COL28A1: variants seen among roughly 807,000 people sequenced by gnomAD.
COL28A1 encodes collagen type XXVIII alpha 1 chain.
A neutral mutation model predicts 150.2 loss-of-function variants in COL28A1; 161 were observed. The observed-to-expected ratio is 1.07, with a 90% confidence interval of 0.94 to 1.22. COL28A1 has a LOEUF of 1.22. COL28A1 is among the 50% of genes most tolerant of loss of function. The pLI is 0.00. For missense variants in COL28A1, 1,617 were observed against 1,388.3 expected (o/e 1.16, Z -2.62); for synonymous variants, 552 against 469.7 (o/e 1.18, Z -2.26).
At chr7:7,398,753 G>A (rs918246300) in intron 27 of COL28A1, among the ~76,000 whole-genome samples, 1 of 152,078 alleles carries the variant, frequency 6.6e-6, no homozygotes, top group Admixed American at 6.6e-5. Flanking sequence ...AGAGAGACAG[G>A]GTTGCCTTTA....
At chr7:7,375,818 T>G (rs1214359205) in intron 30 of COL28A1, among the ~76,000 whole-genome samples, 2 of 152,204 alleles carry the variant, frequency 1.3e-5, no homozygotes, top group Non-Finnish European at 2.9e-5. Flanking sequence ...ATCAATGTTA[T>G]GCACACATTA....
chr7:7,341,792 ATTG>A, the COL28A1 span, among the ~76,000 whole-genome samples: 3 of 152,066 alleles, frequency 2.0e-5, no homozygotes, highest in African/African-American at 7.2e-5. Context: ...GTTTAACTAC[ATTG>A]TTGTCAGAGA....
chr7:7,532,466 C>G (rs978507330), intron 2 of COL28A1, among the ~76,000 whole-genome samples: 11 of 151,882 alleles, frequency 7.2e-5, no homozygotes, highest in African/African-American at 2.7e-4. Context: ...CCTGTTAAGA[C>G]CTCAATTTTT....
intron 11 of COL28A1, among the ~76,000 whole-genome samples, chr7:7,492,332 G>A (rs184752023): frequency 6.6e-6 from 1 of 151,892 alleles, no homozygotes; most frequent in East Asian, 1.9e-4. Context: ...CCAGCACTTT[G>A]GGAGGCCGAG....
chr7:7,390,989 C>A (rs1337796561), intron 27 of COL28A1, among the ~76,000 whole-genome samples: 1 of 152,140 alleles, frequency 6.6e-6, no homozygotes, highest in African/African-American at 2.4e-5. Context: ...CAGTTCTGCT[C>A]TGATCTTAGT....
At chr7:7,487,661 T>C (rs979045321) in intron 13 of COL28A1, among the ~76,000 whole-genome samples, 1 of 152,334 alleles carries the variant, frequency 6.6e-6, no homozygotes, top group Admixed American at 6.5e-5. Flanking sequence ...GAACCCAATC[T>C]TTTAATTTTA....
chr7:7,471,717 A>G (rs536200909), intron 15 of COL28A1, among the ~76,000 whole-genome samples: 38 of 152,288 alleles, frequency 2.5e-4, no homozygotes, highest in African/African-American at 8.9e-4. Context: ...CAACATGATG[A>G]AACCCCATCT....
intron 25 of COL28A1, among the ~76,000 whole-genome samples, chr7:7,432,135 G>T (rs1366173114): frequency 6.6e-6 from 1 of 152,200 alleles, no homozygotes; most frequent in Non-Finnish European, 1.5e-5. Context: ...TCAGTGTGTG[G>T]ACAGTGGTTA....
In COL28A1 at chr7:7,399,186, C is replaced by G. The variant is rs892548334; in HGVS notation, c.2137-17574G>C. Among the ~76,000 whole-genome samples the G allele has an allele frequency of 5.9e-5, 9 of 152,172 alleles. 1 individual carries two copies. The highest frequency in any genetic ancestry group is 5.9e-4 in the Admixed American group (9 of 15,274). On this transcript the variant is annotated intron_variant, in intron 27 of 34. Transcript: ENST00000399429. The stretch of plus-strand genomic sequence containing the variant: ...GGCTTTCCTTTCTCCACTCACCCCT[C>G]AGGCTCAGGATTCTTTTTGTGTTCT...
At chr7:7,522,087 G>A (rs1781758848) in intron 4 of COL28A1, 126 bp from the exon 5 acceptor site, 1 of 715,352 alleles carries the variant, frequency 1.4e-6, no homozygotes. Context: ...ATTTCAAATT[G>A]TATTCAGTAT....
chr7:7,537,040 C>T (rs997601619), upstream of COL28A1, among the ~76,000 whole-genome samples: 1 of 152,136 alleles, frequency 6.6e-6, no homozygotes, highest in Non-Finnish European at 1.5e-5. Context: ...ATCACTAAAC[C>T]TCTAAATACT....
chr7:7,396,642 A>G (rs1384890405), intron 27 of COL28A1, among the ~76,000 whole-genome samples: 1 of 152,212 alleles, frequency 6.6e-6, no homozygotes, highest in Admixed American at 6.5e-5. Flanking sequence ...AGAATCAATG[A>G]GTAAGTTACT....
At chr7:7,403,787 T>G (rs1490465463) in intron 27 of COL28A1, among the ~76,000 whole-genome samples, 4 of 152,184 alleles carry the variant, frequency 2.6e-5, no homozygotes, top group African/African-American at 4.8e-5. Context: ...AAATACAGTT[T>G]TGTATGGTTC....
intron 15 of COL28A1, among the ~76,000 whole-genome samples, chr7:7,462,864 A>C (rs1435157476): frequency 2.0e-5 from 2 of 101,130 alleles, no homozygotes; most frequent in African/African-American, 1.1e-4. Flanking sequence ...TCCATCTCAA[A>C]AAAAAAAAAA....
chr7:7,419,840 T>C, intron 26 of COL28A1, 45 bp downstream of exon 26: 1 of 1,273,062 alleles, frequency 7.9e-7, no homozygotes, highest in Non-Finnish European at 1.1e-6. Context: ...TGTTTGTCAC[T>C]GATGATATCT....
chr7:7,353,305 T>C (rs972496064), downstream of COL28A1, among the ~76,000 whole-genome samples: 2 of 152,160 alleles, frequency 1.3e-5, no homozygotes, highest in African/African-American at 4.8e-5. Flanking sequence ...CCCAGAGACA[T>C]CTACATAATT....
intron 8 of COL28A1, chr7:7,511,598 T>C (rs1341106343): frequency 3.1e-6 from 1 of 320,592 alleles, no homozygotes; most frequent in Non-Finnish European, 6.4e-6. Context: ...CCAGATACTT[T>C]AACTTGGAAT....
chr7:7,372,012 T>C (rs1462054090), intron 32 of COL28A1, among the ~76,000 whole-genome samples: 2 of 151,958 alleles, frequency 1.3e-5, no homozygotes, highest in African/African-American at 4.8e-5. Context: ...TTTGTATTTT[T>C]AGTAGAGACG....
chr7:7,473,708 G>A (rs1483087110), intron 15 of COL28A1, among the ~76,000 whole-genome samples: 5 of 151,930 alleles, frequency 3.3e-5, no homozygotes, highest in East Asian at 3.9e-4. Flanking sequence ...AGGAAAAGTC[G>A]TCATTATACG....
Sources: allele counts gnomAD v4.1 joint callset (sites outside exome capture counted in the v4.1 genomes callset), GRCh38; gene constraint gnomAD v4.1.1; transcripts MANE v1.5; gene names NCBI Gene and HGNC (gene_info 2026-07-23, HGNC 2026-07-21).